Variants in PALS2 observed in about 807,000 individuals in gnomAD.
PALS2 encodes the protein protein associated with LIN7 2, MAGUK p55 family member.
A neutral mutation model predicts 61.6 loss-of-function variants in PALS2; 27 were observed. The ratio of observed to expected loss-of-function variants is 0.44; its 90% CI spans 0.32 to 0.60. PALS2 has a LOEUF of 0.60. Ranked by LOEUF, PALS2 falls within the 20% of genes least tolerant of loss-of-function variation. The pLI, the probability that PALS2 is intolerant of heterozygous loss-of-function variation, is 0.05. For synonymous variants in PALS2, 236 were observed against 218.6 expected, an observed-to-expected ratio of 1.08 and a Z score of -0.70; for missense variants, 554 against 639.4, an observed-to-expected ratio of 0.87 and a Z score of 1.44.
At chr7:24,583,795 A>G (rs924541640) in intron 1 of PALS2, among the ~76,000 whole-genome samples, 34 of 151,840 alleles carry the variant, frequency 2.2e-4, no homozygotes, top group South Asian at 8.3e-4. Context: ...ATATCTCCCA[A>G]TGCTATCCCT....
At chr7:24,657,072 C>A (rs942703170) in intron 5 of PALS2, among the ~76,000 whole-genome samples, 1 of 152,086 alleles carries the variant, frequency 6.6e-6, no homozygotes, top group Non-Finnish European at 1.5e-5. Context: ...ATTGATAGTT[C>A]ATTTCTTTTT....
At chr7:24,588,503 G>C (rs1256061422) in intron 1 of PALS2, among the ~76,000 whole-genome samples, 9 of 151,978 alleles carry the variant, frequency 5.9e-5, no homozygotes, top group Admixed American at 5.2e-4. Flanking sequence ...ATTTTCATGT[G>C]CTTCAAGTCC....
rs1010985714 is a variant in PALS2, at chr7:24,636,387, G to A, written c.118-5329G>A. Among the ~76,000 whole-genome samples the A allele has an allele frequency of 9.9e-5, 15 of 152,190 alleles. 1 individual carries two copies. The highest frequency in any genetic ancestry group is 7.2e-4 in the Admixed American group (11 of 15,290). ...CTCTGCCAATCTGATAAAGAGAAAA[G>A]GGATTTCATTATAGTTTTAGTTTGT... On this transcript the variant is annotated intron_variant, in intron 2 of 11. Coordinates refer to ENST00000222644, the MANE Select transcript of PALS2 (RefSeq NM_001303037.2).
At chr7:24,614,096 AT>A (rs1440602794) in intron 1 of PALS2, among the ~76,000 whole-genome samples, 2 of 151,858 alleles carry the variant, frequency 1.3e-5, no homozygotes, top group African/African-American at 2.4e-5. Context: ...TGTACTTTGA[AT>A]AAATTCCCAG....
chr7:24,589,626 A>C (rs1783206750), intron 1 of PALS2, among the ~76,000 whole-genome samples: 1 of 152,182 alleles, frequency 6.6e-6, no homozygotes, highest in Admixed American at 6.6e-5. Context: ...AAGCTAGTGT[A>C]CCTGGAGGGA....
chr7:24,638,469 C>T (rs1468226551), intron 2 of PALS2, among the ~76,000 whole-genome samples: 2 of 74,292 alleles, frequency 2.7e-5, no homozygotes, highest in Non-Finnish European at 4.3e-5. Flanking sequence ...TAGCTGGGAC[C>T]ACAGGCGCCC....
chr7:24,624,340 A>G (rs754167850), intron 2 of PALS2, among the ~76,000 whole-genome samples: 81 of 152,232 alleles, frequency 5.3e-4, no homozygotes, highest in East Asian at 1.2e-3. Context: ...TGTATTACCT[A>G]TTTTACAAAC....
chr7:24,592,411 G>A (rs573017804), intron 1 of PALS2, among the ~76,000 whole-genome samples: 101 of 152,140 alleles, frequency 6.6e-4, no homozygotes, highest in African/African-American at 2.4e-3. Context: ...AAGTGGGGAC[G>A]TTTGGACTGG....
At position 24,688,454 on chromosome 7, in the gene PALS2, T is replaced by C. The variant is rs1468895521; in HGVS notation, c.*840T>C. ...CACTTGAAGAAAGTTTATTTTCACA[T>C]GTAAAATTTTGACTGACAAAAGGAA... is the stretch of plus-strand genomic sequence containing the variant. On this transcript the variant is annotated 3_prime_UTR_variant, in exon 12 of 12. Coordinates refer to ENST00000222644, the MANE Select transcript of PALS2 (RefSeq NM_001303037.2). 2 of 152,188 alleles carry C rather than the reference T, an allele frequency of 1.3e-5. No individual in the cohort carries two copies. The highest frequency in any genetic ancestry group is 2.9e-5 in the Non-Finnish European group (2 of 68,020). 9.4% of individuals were successfully genotyped at this position (152,188 alleles called of 1,614,324 possible). A position where few individuals can be genotyped will look rare whatever the true frequency, so the allele number is the denominator to read the frequency against.
intron 1 of PALS2, among the ~76,000 whole-genome samples, chr7:24,614,307 G>A (rs186501113): frequency 1.3e-5 from 2 of 151,638 alleles, no homozygotes; most frequent in Admixed American, 6.6e-5. Flanking sequence ...GATTTTTAAT[G>A]TGTGTTGTTT....
chr7:24,643,172 T>C (rs887862159), intron 3 of PALS2, among the ~76,000 whole-genome samples: 5 of 152,142 alleles, frequency 3.3e-5, no homozygotes, highest in African/African-American at 1.2e-4. Context: ...AGAAAATGTT[T>C]TGGACATACT....
Position 24,662,700 on chromosome 7 carries a change from C to T in PALS2, c.652-890C>T, listed in dbSNP as rs749569491. On this transcript the variant is annotated intron_variant, in intron 5 of 11. Transcript: ENST00000222644. ...AGGAGAATCACTTGAACCTGGGAGG[C>T]GGAGGTTGCGGTGAGCAGAGATCAC... Among the ~76,000 whole-genome samples, 153 of 140,488 alleles carry T rather than the reference C, an allele frequency of 1.1e-3. 1 individual carries two copies. The highest frequency in any genetic ancestry group is 3.5e-4 in the Non-Finnish European group (23 of 65,026). The allele number at this position is 140,488 out of a possible 152,430, so 92.2% of individuals were successfully genotyped here.
intron 2 of PALS2, among the ~76,000 whole-genome samples, chr7:24,638,882 C>T (rs1484023338): frequency 6.6e-6 from 1 of 152,150 alleles, no homozygotes; most frequent in African/African-American, 2.4e-5. Context: ...ATTTCTGTTC[C>T]TTTACTTCTC....
intron 5 of PALS2, among the ~76,000 whole-genome samples, chr7:24,660,780 T>G (rs2721817): frequency 0.16 from 24,149 of 152,238 alleles, 1,955 homozygotes; most frequent in Non-Finnish European, 0.17. Flanking sequence ...GTTTGTAATC[T>G]TGACAGCTAT....
intron 8 of PALS2, among the ~76,000 whole-genome samples, chr7:24,668,035 T>C (rs1395118909): frequency 4.0e-5 from 6 of 151,824 alleles, no homozygotes; most frequent in Admixed American, 2.0e-4. Context: ...AATAATTTAC[T>C]GGGGCAGGCA....
At position 24,687,740 on chromosome 7, in the gene PALS2, A is replaced by C; in HGVS notation, c.*126A>C. Reference sequence around the variant, plus strand: ...CTAAGTCCAGGCATTTTTATGGTGTAGATTGAAATAATAGTACACTTCTGA... The same window carrying C: ...CTAAGTCCAGGCATTTTTATGGTGTCGATTGAAATAATAGTACACTTCTGA... On this transcript the variant is annotated 3_prime_UTR_variant, in exon 12 of 12. Transcript: ENST00000222644. The surrounding 1 kb of genome is among the most constrained non-coding windows in gnomAD (Gnocchi z 4.5). The C allele has an allele frequency of 3.3e-6, 3 of 897,312 alleles. No homozygotes were observed. The highest frequency in any genetic ancestry group is 4.8e-6 in the Non-Finnish European group (3 of 623,168). 55.6% of individuals were successfully genotyped at this position (897,312 alleles called of 1,614,324 possible).
intron 1 of PALS2, among the ~76,000 whole-genome samples, chr7:24,583,596 C>G (rs1340777408): frequency 6.6e-6 from 1 of 150,882 alleles, no homozygotes; most frequent in Non-Finnish European, 1.5e-5. Flanking sequence ...TCCTAGGAGG[C>G]ATTTTTGAGG....
At chr7:24,660,308 C>G in intron 5 of PALS2, among the ~76,000 whole-genome samples, 1 of 152,248 alleles carries the variant, frequency 6.6e-6, no homozygotes, top group East Asian at 1.9e-4. Flanking sequence ...ATCCTTCCCA[C>G]TACCAACCTA....
chr7:24,668,302 G>A (rs77038232), intron 8 of PALS2, among the ~76,000 whole-genome samples, 197 bp from the exon 9 acceptor site: 9,618 of 151,930 alleles, frequency 0.063, 355 homozygotes, highest in African/African-American at 0.093. Context: ...AGTGAGCCCC[G>A]GTCTTAAAAA....
Sources: gnomAD v4.1 joint callset for allele counts (sites outside exome capture counted in the v4.1 genomes callset) on GRCh38, gnomAD v4.1.1 for gene constraint, Gnocchi (gnomAD v3.1) non-coding constraint, MANE v1.5 for transcripts, NCBI Gene and HGNC (gene_info 2026-07-23, HGNC 2026-07-21) for gene names.